The following DLG2 variants were observed in gnomAD, a reference collection of about 807,000 sequenced individuals.
DLG2 encodes disks large homolog 2.
A neutral mutation model predicts 132.5 loss-of-function variants in DLG2; 45 were observed. That is an observed-to-expected ratio of 0.34 (90% confidence interval 0.27 to 0.44). The LOEUF is 0.44. DLG2 is among the 20% of genes least tolerant of loss of function. DLG2 has a pLI of 1.00. For synonymous variants in DLG2, 424 were observed against 419.6 expected (o/e 1.01, Z -0.13); for missense variants, 1,045 against 1,196.9 (o/e 0.87, Z 1.87).
At chr11:83,993,439 G>A (rs1404813891) in intron 11 of DLG2, among the ~76,000 whole-genome samples, 1 of 152,140 alleles carries the variant, frequency 6.6e-6, no homozygotes, top group Admixed American at 6.6e-5. Flanking sequence ...AAGAATTAAT[G>A]AAGAGTATGT....
chr11:85,444,574 T>C (rs902067717), intron 3 of DLG2, among the ~76,000 whole-genome samples: 6 of 152,230 alleles, frequency 3.9e-5, no homozygotes, highest in Non-Finnish European at 5.9e-5. Flanking sequence ...GTCCAAATTG[T>C]GGCCAGTGGA....
intron 7 of DLG2, among the ~76,000 whole-genome samples, chr11:84,398,496 C>T (rs1407784999): frequency 6.6e-6 from 1 of 152,080 alleles, no homozygotes; most frequent in African/African-American, 2.4e-5. Flanking sequence ...AAACTGGGTA[C>T]CTTATAAGAA....
At chr11:85,325,148 G>C (rs1295721562) in intron 3 of DLG2, among the ~76,000 whole-genome samples, 18 of 139,074 alleles carry the variant, frequency 1.3e-4, no homozygotes, top group Non-Finnish European at 2.5e-4. Flanking sequence ...CTGATTGCTA[G>C]CACAGCAGTC....
intron 6 of DLG2, among the ~76,000 whole-genome samples, chr11:84,762,704 T>G (rs539600177): frequency 6.6e-6 from 1 of 152,294 alleles, no homozygotes; most frequent in African/African-American, 2.4e-5. Context: ...CATGTATTCA[T>G]TTAACTAATA....
At chr11:83,512,297 G>A (rs535358184) in intron 21 of DLG2, among the ~76,000 whole-genome samples, 74 of 152,270 alleles carry the variant, frequency 4.9e-4, no homozygotes, top group African/African-American at 1.7e-3. Context: ...GAGGGCTGGA[G>A]CTCAGAGAAA....
rs548918304 is a variant in DLG2 at position 85,408,974 on chromosome 11, T to C, written c.41-123609A>G. ...CTAGATCCCTGAGCATCTTGTTTCT[T>C]ACTGAGCTCTTATGACAACTTAGTG... On this transcript the variant is annotated intron_variant, in intron 3 of 27. Transcript: ENST00000376104. Among the ~76,000 whole-genome samples the C allele has an allele frequency of 2.6e-5, 4 of 152,088 alleles. No individual in the cohort carries two copies. The South Asian group carries it at 8.3e-4, about 32-fold the overall frequency.
chr11:85,323,770 C>T (rs2081247438), intron 3 of DLG2, among the ~76,000 whole-genome samples: 1 of 152,242 alleles, frequency 6.6e-6, no homozygotes, highest in Non-Finnish European at 1.5e-5. Flanking sequence ...ATTTCTGTGT[C>T]TGACTTCTTT....
chr11:85,208,687 A>C (rs2152564623), intron 4 of DLG2, among the ~76,000 whole-genome samples: 1 of 152,264 alleles, frequency 6.6e-6, no homozygotes, highest in South Asian at 2.1e-4. Flanking sequence ...AATGAATTTC[A>C]GTTAAGGGAC....
chr11:84,444,586 T>C (rs781120929), intron 7 of DLG2, among the ~76,000 whole-genome samples: 21 of 152,150 alleles, frequency 1.4e-4, no homozygotes, highest in Non-Finnish European at 2.6e-4. Flanking sequence ...CTAGATAATA[T>C]GTATGTGCAT....
chr11:85,576,056 A>G (rs1009913671), intron 3 of DLG2, among the ~76,000 whole-genome samples: 3 of 152,244 alleles, frequency 2.0e-5, no homozygotes, highest in Admixed American at 1.3e-4. Flanking sequence ...GATTCAGTCA[A>G]GAATTCTAAA....
chr11:84,255,227 G>A (rs771142745), intron 7 of DLG2, among the ~76,000 whole-genome samples: 1 of 152,136 alleles, frequency 6.6e-6, no homozygotes, highest in Non-Finnish European at 1.5e-5. Flanking sequence ...GATCTAGTTT[G>A]TTTCTGAGTC....
At chr11:84,048,778 G>A (rs1264326542) in intron 11 of DLG2, among the ~76,000 whole-genome samples, 1 of 151,342 alleles carries the variant, frequency 6.6e-6, no homozygotes, top group Non-Finnish European at 1.5e-5. Flanking sequence ...TAATACCTTT[G>A]CTAACCTAAA....
At chr11:85,298,039 G>C (rs1565287269) in intron 3 of DLG2, among the ~76,000 whole-genome samples, 1 of 152,162 alleles carries the variant, frequency 6.6e-6, no homozygotes, top group Non-Finnish European at 1.5e-5. Context: ...CTCCCATGCA[G>C]AGCAGTGACC....
chr11:85,541,737 C>T (rs2075989369), intron 3 of DLG2, among the ~76,000 whole-genome samples: 1 of 152,018 alleles, frequency 6.6e-6, no homozygotes, highest in African/African-American at 2.4e-5. Context: ...AAGAAAAAAA[C>T]ACTTCAGCCA....
chr11:83,975,703 G>GA (rs1321067074), intron 12 of DLG2, among the ~76,000 whole-genome samples: 1 of 151,938 alleles, frequency 6.6e-6, no homozygotes, highest in Non-Finnish European at 1.5e-5. Context: ...TACTGGAAGA[G>GA]AGAGAAAAGG....
intron 19 of DLG2, among the ~76,000 whole-genome samples, chr11:83,603,201 G>A (rs1342701692): frequency 6.6e-6 from 1 of 152,046 alleles, no homozygotes; most frequent in East Asian, 1.9e-4. Context: ...CGATCACCAC[G>A]ACAAAGAATA....
chr11:83,985,673 T>C (rs1565917345), intron 11 of DLG2, among the ~76,000 whole-genome samples: 1 of 152,076 alleles, frequency 6.6e-6, no homozygotes, highest in South Asian at 2.1e-4. Flanking sequence ...CATGTCCCTG[T>C]AGAGGACATG....
At chr11:84,125,051 T>C (rs781540761) in intron 9 of DLG2, among the ~76,000 whole-genome samples, 1 of 152,032 alleles carries the variant, frequency 6.6e-6, no homozygotes, top group Non-Finnish European at 1.5e-5. Flanking sequence ...AGTTTCTCTA[T>C]GTTAGTCAGG....
intron 6 of DLG2, among the ~76,000 whole-genome samples, chr11:84,661,888 G>C (rs1394058561): frequency 6.6e-6 from 1 of 152,146 alleles, no homozygotes; most frequent in Non-Finnish European, 1.5e-5. Flanking sequence ...CTCATCTCAA[G>C]TTTCCTTAAA....
Sources: gnomAD v4.1 joint callset for allele counts (sites outside exome capture counted in the v4.1 genomes callset) on GRCh38, gnomAD v4.1.1 for gene constraint, MANE v1.5 for transcripts, NCBI Gene and HGNC (gene_info 2026-07-23, HGNC 2026-07-21) for gene names.